Variants in RIMBP2 observed in about 807,000 individuals in gnomAD.
RIMBP2 encodes the protein RIMS binding protein 2.
Under a neutral mutation model 118.6 loss-of-function variants are expected in RIMBP2, and 48 were observed. The observed-to-expected ratio is 0.40, with a 90% CI of 0.32 to 0.51. The LOEUF is 0.51. Ranked by LOEUF, RIMBP2 falls within the 20% of genes least tolerant of loss-of-function variation. The pLI is 0.41. For missense variants in RIMBP2, 1,551 were observed against 1,768.3 expected (o/e 0.88, Z 2.20); for synonymous variants, 762 against 742.9 (o/e 1.03, Z -0.42).
chr12:130,656,985 C>T (rs1390420238), intron 1 of RIMBP2, among the ~76,000 whole-genome samples: 1 of 152,228 alleles, frequency 6.6e-6, no homozygotes, highest in East Asian at 1.9e-4. Context: ...GCATTGAACT[C>T]CCAGGCTCAA....
At chr12:130,438,335 A>AGCCAAC in intron 12 of RIMBP2, 30 bp downstream of exon 12, 5 of 865,012 alleles carry the variant, frequency 5.8e-6, no homozygotes, top group Non-Finnish European at 7.7e-6. Flanking sequence ...GGCCTAACAA[A>AGCCAAC]CCCTCCCCAC....
rs1468098707 is a variant in RIMBP2, at chr12:130,446,866, TG to T, written c.582-1598del. Among the ~76,000 whole-genome samples the T allele has an allele frequency of 1.3e-5, 2 of 151,480 alleles. No homozygotes were observed. Among genetic ancestry groups the T allele is most frequent in the African/African-American group, 4.9e-5 (2 of 41,188 alleles). ...GTGGAGGAGTTCCAGCAAAGGAGTT[TG>T]GTCGGGGAGTGACTTAGGAGGCTGT... On this transcript the variant is annotated intron_variant, in intron 9 of 22. Coordinates refer to ENST00000690449, the MANE Select transcript of RIMBP2 (RefSeq NM_001393629.1). This position sits in a 1 kb window ranked among gnomAD's most constrained non-coding sequence, Gnocchi z 4.1.
chr12:130,583,765 C>T, intron 2 of RIMBP2, among the ~76,000 whole-genome samples: 1 of 82,814 alleles, frequency 1.2e-5, no homozygotes, highest in South Asian at 5.8e-4. Context: ...CCCCCATCAC[C>T]TCATCACCAC....
At chr12:130,492,515 C>G (rs1350926882) in intron 4 of RIMBP2, among the ~76,000 whole-genome samples, 1 of 152,212 alleles carries the variant, frequency 6.6e-6, no homozygotes, top group Non-Finnish European at 1.5e-5. Context: ...CCTTCCTTCT[C>G]CTCTGGCCCT....
At chr12:130,580,726 G>T (rs2058415857) in intron 2 of RIMBP2, among the ~76,000 whole-genome samples, 1 of 152,104 alleles carries the variant, frequency 6.6e-6, no homozygotes, top group South Asian at 2.1e-4. Flanking sequence ...GATCACTTGG[G>T]GTCAGAAGTT....
intron 2 of RIMBP2, among the ~76,000 whole-genome samples, chr12:130,546,558 A>T (rs1208739156): frequency 1.3e-5 from 2 of 152,132 alleles, no homozygotes; most frequent in Non-Finnish European, 2.9e-5. Flanking sequence ...AGCCTCCCGA[A>T]GTGCTGGGAT....
At chr12:130,405,200 AACAC>A (rs946077632) in intron 21 of RIMBP2, among the ~76,000 whole-genome samples, 4 of 151,972 alleles carry the variant, frequency 2.6e-5, no homozygotes, top group African/African-American at 7.3e-5. Context: ...TGGAGAAGCA[AACAC>A]ACACACACAA....
chr12:130,468,160 TG>T (rs2080673177), intron 6 of RIMBP2, among the ~76,000 whole-genome samples: 1 of 152,208 alleles, frequency 6.6e-6, no homozygotes, highest in African/African-American at 2.4e-5. Context: ...CATGGTTTCT[TG>T]GTCAACAGCT....
rs2065975737 is a variant in RIMBP2, at chr12:130,703,858, C to CCCTGAG, written c.-352+12358_-352+12363dup. Among the ~76,000 whole-genome samples the CCCTGAG allele has an allele frequency of 6.6e-6, 1 of 152,082 alleles. No individual in the cohort carries two copies. The highest frequency in any genetic ancestry group is 2.1e-4 in the South Asian group (1 of 4,822). On this transcript the variant is annotated intron_variant, in intron 1 of 22. Transcript: ENST00000690449. The surrounding 1 kb of genome is among the most constrained non-coding windows in gnomAD (Gnocchi z 5.7). Reference sequence around the variant, plus strand: ...GATCGATCTAGAAGCACGGAGGGAACCCTGAGCCTGAGCCTGAACGCAGCG... The same window carrying CCCTGAG: ...GATCGATCTAGAAGCACGGAGGGAACCCTGAGCCTGAGCCTGAGCCTGAACGCAGCG...
Position 130,450,395 on chromosome 12 carries a change from T to C in RIMBP2, c.505-119A>G. 2 of 727,504 alleles carry C rather than the reference T, an allele frequency of 2.7e-6. No individual in the cohort carries two copies. The highest frequency in any genetic ancestry group is 1.6e-5 in the South Asian group (1 of 63,518). The allele number at this position is 727,504 out of a possible 1,614,324, so 45.1% of individuals were successfully genotyped here. Reference sequence around the variant, plus strand: ...GGCCCCAGGAGGGACGGCCTGAGACTGTGGCACTCCCAGGAGGCACTGCCA... The same window carrying C: ...GGCCCCAGGAGGGACGGCCTGAGACCGTGGCACTCCCAGGAGGCACTGCCA... On this transcript the variant is annotated intron_variant, in intron 8 of 22. Transcript: ENST00000690449. This position sits in a 1 kb window ranked among gnomAD's most constrained non-coding sequence, Gnocchi z 4.8.
At chr12:130,662,443 G>A (rs1287424832) in intron 1 of RIMBP2, among the ~76,000 whole-genome samples, 1 of 152,098 alleles carries the variant, frequency 6.6e-6, no homozygotes, top group South Asian at 2.1e-4. Context: ...GGATGACGAG[G>A]TCAAGAGATC....
chr12:130,684,032 A>T lies in RIMBP2; in HGVS notation c.-352+32190T>A, dbSNP rs986851357. ...AATCAACTAAGAGTCTGGCACCTTT[A>T]TAAGTCTGATAAGAAACATTTACAT... On this transcript the variant is annotated intron_variant, in intron 1 of 22. Transcript: ENST00000690449. Among the ~76,000 whole-genome samples, 4 of 152,218 alleles carry T rather than the reference A, an allele frequency of 2.6e-5. No individual in the cohort carries two copies. The East Asian group carries it at 5.8e-4, about 22-fold the overall frequency.
chr12:130,676,027 C>T (rs937407174), intron 1 of RIMBP2, among the ~76,000 whole-genome samples: 5 of 152,224 alleles, frequency 3.3e-5, no homozygotes, highest in Admixed American at 2.6e-4. Flanking sequence ...CGACTGCCAC[C>T]GCGTGAGGAC....
At chr12:130,705,979 C>T (rs1181296884) in intron 1 of RIMBP2, among the ~76,000 whole-genome samples, 1 of 152,238 alleles carries the variant, frequency 6.6e-6, no homozygotes. Flanking sequence ...AAATACACTG[C>T]GGAAGCATCT....
chr12:130,412,244 C>T (rs1052043351), intron 19 of RIMBP2, among the ~76,000 whole-genome samples: 1 of 152,118 alleles, frequency 6.6e-6, no homozygotes, highest in Non-Finnish European at 1.5e-5. Flanking sequence ...AAAGGCATAG[C>T]GGCCCCCCAA....
chr12:130,698,466 A>T (rs1310246082), intron 1 of RIMBP2, among the ~76,000 whole-genome samples: 1 of 152,166 alleles, frequency 6.6e-6, no homozygotes, highest in Non-Finnish European at 1.5e-5. Flanking sequence ...CTAGAAATAC[A>T]AGTTTTAGAC....
chr12:130,643,828 C>T (rs957424394), intron 1 of RIMBP2, among the ~76,000 whole-genome samples: 9 of 152,136 alleles, frequency 5.9e-5, no homozygotes, highest in African/African-American at 1.9e-4. Flanking sequence ...CCAGTTTCAG[C>T]TCATGAGAGT....
In RIMBP2 at chr12:130,434,741, C is replaced by T; in HGVS notation, c.2246G>A (p.Gly749Asp). ...GGCCCGGCCCGCTCTCACCTGCTTG[C>T]CAAGTTCAGAGCCTTTCAGGAAGTC... ...VDDFLKGSEL[G>D]KQPHCCHGDE... The change falls in exon 14 of 23, where the codon GGC becomes GAC. Residue 749 changes from glycine to aspartate, a missense_variant. This residue lies in a region of RIMBP2 where 1,038 missense variants were observed against 1,125.1 expected (regional missense o/e 0.92). Coordinates refer to ENST00000690449, the MANE Select transcript of RIMBP2 (RefSeq NM_001393629.1). This position sits in a 1 kb window ranked among gnomAD's most constrained non-coding sequence, Gnocchi z 5.7. 6.2e-7 allele frequency: 1 copy of T among 1,612,794 alleles called. No homozygotes were observed. Among genetic ancestry groups the T allele is most frequent in the Non-Finnish European group, 8.5e-7 (1 of 1,179,826 alleles).
At chr12:130,542,912 TAACAC>T (rs1331112448) in intron 2 of RIMBP2, among the ~76,000 whole-genome samples, 1 of 152,232 alleles carries the variant, frequency 6.6e-6, no homozygotes, top group Non-Finnish European at 1.5e-5. Flanking sequence ...ATTCATCCAT[TAACAC>T]AACATTTCTG....
Sources: gnomAD v4.1 joint callset for allele counts (sites outside exome capture counted in the v4.1 genomes callset) on GRCh38, gnomAD v4.1.1 for gene constraint, gnomAD v4.1.1 regional missense constraint, Gnocchi (gnomAD v3.1) non-coding constraint, MANE v1.5 for transcripts, NCBI Gene and HGNC (gene_info 2026-07-23, HGNC 2026-07-21) for gene names.